LRMDA: variants seen among roughly 807,000 people sequenced by gnomAD.
LRMDA encodes the protein leucine rich melanocyte differentiation associated.
LRMDA carries 18 observed loss-of-function variants against 29.8 expected under a neutral mutation model. The ratio of observed to expected loss-of-function variants is 0.60; its 90% confidence interval spans 0.42 to 0.90. The LOEUF (loss-of-function observed/expected upper bound fraction) is 0.90, where lower values mean the gene tolerates loss of function less well. Ranked by LOEUF, LRMDA falls within the 40% of genes least tolerant of loss-of-function variation. The pLI is 0.00. For missense variants in LRMDA, 273 were observed against 273.9 expected (o/e 1.00, Z 0.02); for synonymous variants, 125 against 109.4 (o/e 1.14, Z -0.89).
chr10:76,212,217 TG>T (rs1851647209), intron 5 of LRMDA, among the ~76,000 whole-genome samples: 2 of 150,480 alleles, frequency 1.3e-5, no homozygotes, highest in Admixed American at 1.3e-4. Flanking sequence ...TTTTTCTTTT[TG>T]TATGGTGTGA....
intron 2 of LRMDA, among the ~76,000 whole-genome samples, chr10:75,831,067 C>T (rs1218881953): frequency 4.7e-5 from 7 of 150,436 alleles, no homozygotes; most frequent in African/African-American, 1.7e-4. Context: ...TTTTTTGAGA[C>T]AGAGTTTCAC....
At chr10:76,159,966 A>G (rs921410881) in intron 5 of LRMDA, among the ~76,000 whole-genome samples, 10 of 152,136 alleles carry the variant, frequency 6.6e-5, no homozygotes, top group African/African-American at 2.2e-4. Flanking sequence ...CATGTCATGT[A>G]TCTGTCTAAA....
Position 76,264,711 on chromosome 10 carries a change from A to C in LRMDA, c.517-59690A>C, listed in dbSNP as rs190867937. Among the ~76,000 whole-genome samples the C allele has an allele frequency of 4.6e-5, 7 of 152,326 alleles. No individual in the cohort carries two copies. The East Asian group carries it at 1.2e-3, about 25-fold the overall frequency. ...CTGAGTACTAAACAGAAAGGTACGC[A>C]TGGAGAAATGTAAAACATATTTTCA... On this transcript the variant is annotated intron_variant, in intron 5 of 6. Coordinates refer to ENST00000611255, the MANE Select transcript of LRMDA (RefSeq NM_001305581.2).
intron 5 of LRMDA, among the ~76,000 whole-genome samples, chr10:76,248,004 G>A (rs1231548025): frequency 6.6e-6 from 1 of 152,146 alleles, no homozygotes; most frequent in East Asian, 1.9e-4. Context: ...AATGGGGAAA[G>A]GACACAGGTG....
At chr10:75,474,042 TCTC>T (rs561589330) in intron 2 of LRMDA, among the ~76,000 whole-genome samples, 348 of 152,334 alleles carry the variant, frequency 2.3e-3, no homozygotes, top group Non-Finnish European at 3.9e-3. Flanking sequence ...TGAGACAACA[TCTC>T]CTTGCATTGC....
intron 5 of LRMDA, among the ~76,000 whole-genome samples, chr10:76,307,648 A>T (rs889873326): frequency 1.3e-5 from 2 of 152,172 alleles, no homozygotes; most frequent in African/African-American, 4.8e-5. Flanking sequence ...TCTTTCCAGG[A>T]TAGGCACATA....
intron 2 of LRMDA, among the ~76,000 whole-genome samples, chr10:75,821,366 AAATC>A (rs1380808241): frequency 6.6e-6 from 1 of 152,248 alleles, no homozygotes; most frequent in Non-Finnish European, 1.5e-5. Flanking sequence ...CAACACACAC[AAATC>A]AATCATTGTG....
chr10:75,443,004 T>G (rs1401070027), intron 2 of LRMDA, among the ~76,000 whole-genome samples: 1 of 152,132 alleles, frequency 6.6e-6, no homozygotes, highest in Non-Finnish European at 1.5e-5. Flanking sequence ...TTAAGTTTTT[T>G]GGATAATTCT....
At chr10:76,203,269 G>T (rs909096258) in intron 5 of LRMDA, among the ~76,000 whole-genome samples, 22 of 152,284 alleles carry the variant, frequency 1.4e-4, no homozygotes, top group Middle Eastern at 3.4e-3. Flanking sequence ...CTTGTAAAAT[G>T]AGAAGAATGG....
intron 6 of LRMDA, among the ~76,000 whole-genome samples, chr10:76,346,204 GGAGTGGAAGA>G (rs1475638746): frequency 6.6e-6 from 1 of 152,162 alleles, no homozygotes; most frequent in African/African-American, 2.4e-5. Context: ...GACTTTGTTT[GGAGTGGAAGA>G]GAGTGGAAGA....
chr10:76,030,728 G>C (rs547507488), intron 2 of LRMDA, among the ~76,000 whole-genome samples: 1 of 152,348 alleles, frequency 6.6e-6, no homozygotes, highest in East Asian at 1.9e-4. Context: ...GGCGGAGGTT[G>C]CAGTGAGCTG....
intron 6 of LRMDA, among the ~76,000 whole-genome samples, chr10:76,523,736 A>G (rs1843146049): frequency 1.3e-5 from 2 of 152,216 alleles, no homozygotes; most frequent in Admixed American, 1.3e-4. Context: ...ATGGTGGACA[A>G]ACTCAGTTAA....
At chr10:76,372,860 C>T (rs557937918) in intron 6 of LRMDA, among the ~76,000 whole-genome samples, 230 of 152,026 alleles carry the variant, frequency 1.5e-3, no homozygotes, top group African/African-American at 5.3e-3. Context: ...CTTGAAGGGT[C>T]CCATTTTAAC....
intron 6 of LRMDA, among the ~76,000 whole-genome samples, chr10:76,379,592 A>G (rs933768326): frequency 2.0e-5 from 3 of 151,810 alleles, no homozygotes; most frequent in Admixed American, 6.6e-5. Context: ...GATTGTGCTT[A>G]TTTGACTTTT....
chr10:76,435,033 T>C (rs1907349), intron 6 of LRMDA, among the ~76,000 whole-genome samples: 61,429 of 152,038 alleles, frequency 0.4, 12,875 homozygotes, highest in African/African-American at 0.45. Context: ...CCTCCCACCC[T>C]GCCACGTTTC....
intron 2 of LRMDA, among the ~76,000 whole-genome samples, chr10:75,681,630 C>T (rs1023995117): frequency 6.6e-6 from 1 of 152,156 alleles, no homozygotes; most frequent in South Asian, 2.1e-4. Flanking sequence ...ACCAGAGCCA[C>T]GCCAAATAGC....
chr10:76,482,324 A>C (rs1842740356), intron 6 of LRMDA, among the ~76,000 whole-genome samples: 1 of 151,948 alleles, frequency 6.6e-6, no homozygotes, highest in Non-Finnish European at 1.5e-5. Context: ...CGCACACTTA[A>C]ATCCCCCTTT....
At chr10:76,487,094 G>A (rs1201985328) in intron 6 of LRMDA, among the ~76,000 whole-genome samples, 1 of 151,912 alleles carries the variant, frequency 6.6e-6, no homozygotes, top group Non-Finnish European at 1.5e-5. Context: ...TAAGAACGGT[G>A]ATGATGAAAG....
intron 6 of LRMDA, among the ~76,000 whole-genome samples, chr10:76,473,930 A>G (rs1237731080): frequency 6.6e-6 from 1 of 151,606 alleles, no homozygotes. Flanking sequence ...CAGGTTCAAC[A>G]CAATTGACTC....
Sources: gnomAD v4.1 joint callset for allele counts (sites outside exome capture counted in the v4.1 genomes callset) on GRCh38, gnomAD v4.1.1 for gene constraint, MANE v1.5 for transcripts, NCBI Gene and HGNC (gene_info 2026-07-23, HGNC 2026-07-21) for gene names.